The following ADGRB3 variants were observed in gnomAD, a reference collection of about 807,000 sequenced individuals.
ADGRB3 encodes the protein adhesion G protein-coupled receptor B3.
A neutral mutation model predicts 193.4 loss-of-function variants in ADGRB3; 37 were observed. The observed-to-expected ratio is 0.19, with a 90% CI of 0.15 to 0.25. The LOEUF (loss-of-function observed/expected upper bound fraction) is 0.25, where lower values mean the gene tolerates loss of function less well. Ranked by LOEUF, ADGRB3 falls within the 10% of genes least tolerant of loss-of-function variation. The pLI, the probability that ADGRB3 is intolerant of heterozygous loss-of-function variation, is 1.00. For synonymous variants in ADGRB3, 690 were observed against 644.2 expected, an observed-to-expected ratio of 1.07 and a Z score of -1.08; for missense variants, 1,637 against 1,852.9, an observed-to-expected ratio of 0.88 and a Z score of 2.14.
At chr6:69,311,566 C>T (rs1768195128) in intron 20 of ADGRB3, among the ~76,000 whole-genome samples, 1 of 151,682 alleles carries the variant, frequency 6.6e-6, no homozygotes, top group African/African-American at 2.4e-5. Context: ...CCTAGGACAT[C>T]TTTAACTTTT....
chr6:69,172,874 A>G (rs1775319807), intron 17 of ADGRB3, among the ~76,000 whole-genome samples: 1 of 152,040 alleles, frequency 6.6e-6, no homozygotes, highest in Non-Finnish European at 1.5e-5. Flanking sequence ...GAGAGCAGAC[A>G]GAACAAAATG....
chr6:69,048,632 T>A (rs1312493429), intron 14 of ADGRB3, among the ~76,000 whole-genome samples: 4 of 152,192 alleles, frequency 2.6e-5, no homozygotes. Context: ...TGTGGACTAA[T>A]ATTTTACCTT....
intron 20 of ADGRB3, among the ~76,000 whole-genome samples, chr6:69,318,401 G>A (rs2127304423): frequency 6.6e-6 from 1 of 151,348 alleles, no homozygotes; most frequent in South Asian, 2.1e-4. Context: ...TTTTGATGTT[G>A]AGTCACCCTG....
rs1768931369 is a variant in ADGRB3, at chr6:69,339,561, A to G, written c.3459+57A>G. On this transcript the variant is annotated intron_variant, in intron 26 of 31. Transcript: ENST00000370598. ...ATGGTTGGAATGGTATTTCCTTGCT[A>G]AAAAGAATGATCTTTTAATATCTTG... The G allele has an allele frequency of 1.7e-5, 26 of 1,528,732 alleles. 1 individual carries two copies. In the South Asian group the frequency reaches 3.1e-4, roughly 18 times the overall value. 94.7% of individuals were successfully genotyped at this position (1,528,732 alleles called of 1,614,324 possible).
At position 68,635,715 on chromosome 6, in the gene ADGRB3, C is replaced by A. The variant is rs1322315825; in HGVS notation, c.-473C>A. The A allele has an allele frequency of 6.6e-6, 1 of 152,304 alleles. No homozygotes were observed. The highest frequency in any genetic ancestry group is 1.5e-5 in the Non-Finnish European group (1 of 68,186). The allele number at this position is 152,304 out of a possible 1,614,324, so 9.4% of individuals were successfully genotyped here. A position where few individuals can be genotyped will look rare whatever the true frequency, so the allele number is the denominator to read the frequency against. ...GGGGGGCTTCTCCCTCCCTTTAGCC[C>A]CCCTCGGTTTGGAGGTTGGATTCAG... On this transcript the variant is annotated 5_prime_UTR_variant, in exon 1 of 32. Transcript: ENST00000370598.
chr6:68,930,603 C>T lies in ADGRB3; in HGVS notation c.802C>T (p.Arg268Ter). 1.2e-6 allele frequency: 2 copies of T among 1,612,700 alleles called. No individual in the cohort carries two copies. The highest frequency in any genetic ancestry group is 1.7e-6 in the Non-Finnish European group (2 of 1,179,304). The change falls in exon 4 of 32, where the codon CGA (arginine) becomes TGA (stop). Residue 268 changes from arginine (R) to a stop codon, truncating the protein, a stop_gained. Transcript: ENST00000370598. LOFTEE classifies it high-confidence loss of function. ...GDHTIKSQRP[R>*]SVHEKRVPQE... ...TCATACAATTAAAAGTCAGCGACCT[C>T]GATCTGTTCATGAAAAAAGGGTCCC...
At chr6:69,131,916 G>A (rs970270189) in intron 17 of ADGRB3, among the ~76,000 whole-genome samples, 1 of 151,962 alleles carries the variant, frequency 6.6e-6, no homozygotes, top group African/African-American at 2.4e-5. Flanking sequence ...TGAGAATGAT[G>A]GTTTACAGTT....
At chr6:69,202,351 CCTGA>C (rs1474316626) in intron 17 of ADGRB3, among the ~76,000 whole-genome samples, 1 of 152,064 alleles carries the variant, frequency 6.6e-6, no homozygotes, top group African/African-American at 2.4e-5. Flanking sequence ...TGAAGTGGAT[CCTGA>C]CTGTCTTTCC....
intron 17 of ADGRB3, among the ~76,000 whole-genome samples, chr6:69,179,059 TC>T (rs1775509671): frequency 6.6e-6 from 1 of 152,232 alleles, no homozygotes; most frequent in African/African-American, 2.4e-5. Flanking sequence ...GTTTTCTTTT[TC>T]TCTGTCTCTC....
Position 68,915,002 on chromosome 6 carries a change from A to G in ADGRB3, c.758-15557A>G, listed in dbSNP as rs61711758. 1.6e-3 allele frequency among the ~76,000 whole-genome samples: 248 copies of G among 152,356 alleles called. 3 individuals are homozygous for G. The highest frequency in any genetic ancestry group is 5.7e-3 in the African/African-American group (239 of 41,596). ...ATATTTGCCTGATTCTCTGTTAATC[A>G]TATTTGAGCCTTGCTACCATAATTA... On this transcript the variant is annotated intron_variant, in intron 3 of 31. Coordinates refer to ENST00000370598, the MANE Select transcript of ADGRB3 (RefSeq NM_001704.3).
At chr6:68,690,637 A>G (rs1765056752) in intron 3 of ADGRB3, among the ~76,000 whole-genome samples, 1 of 152,074 alleles carries the variant, frequency 6.6e-6, no homozygotes, top group South Asian at 2.1e-4. Context: ...GGTTTAATTC[A>G]CTTTACTAGT....
intron 13 of ADGRB3, among the ~76,000 whole-genome samples, chr6:69,043,310 AAGAAAGAAAGAAAGAAAGAAAGAG>A (rs1771135415): frequency 1.3e-5 from 2 of 150,516 alleles, no homozygotes; most frequent in African/African-American, 4.9e-5. Flanking sequence ...GAAAGAAAGA[AAGAAAGAAAGAAAGAAAGAAAGAG>A]AAAGAAAAGA....
chr6:68,999,505 C>A (rs1476965947), intron 11 of ADGRB3, among the ~76,000 whole-genome samples: 1 of 152,162 alleles, frequency 6.6e-6, no homozygotes, highest in Non-Finnish European at 1.5e-5. Context: ...ACCTCGTGAT[C>A]TGCCCGCCTC....
intron 20 of ADGRB3, among the ~76,000 whole-genome samples, chr6:69,265,308 T>C (rs1767016873): frequency 6.6e-6 from 1 of 151,862 alleles, no homozygotes; most frequent in Non-Finnish European, 1.5e-5. Flanking sequence ...ACAGGGATGA[T>C]TTGACTCAGA....
At chr6:69,122,592 ATC>A (rs896997465) in intron 17 of ADGRB3, among the ~76,000 whole-genome samples, 2 of 150,672 alleles carry the variant, frequency 1.3e-5, no homozygotes, top group Admixed American at 1.3e-4. Flanking sequence ...TAGGGATGGG[ATC>A]TCTGAGTTTT....
chr6:69,257,709 A>T (rs1766813131), intron 20 of ADGRB3, among the ~76,000 whole-genome samples: 1 of 152,232 alleles, frequency 6.6e-6, no homozygotes, highest in Non-Finnish European at 1.5e-5. Context: ...TTCAAGATTT[A>T]GTTGACTGGT....
chr6:68,672,458 A>T (rs918265320), intron 3 of ADGRB3, among the ~76,000 whole-genome samples: 1 of 151,796 alleles, frequency 6.6e-6, no homozygotes, highest in Non-Finnish European at 1.5e-5. Flanking sequence ...TTTATATGTT[A>T]TGTTTCCACT....
At chr6:68,644,161 A>AG (rs1270582324) in intron 3 of ADGRB3, among the ~76,000 whole-genome samples, 1 of 152,066 alleles carries the variant, frequency 6.6e-6, no homozygotes, top group Non-Finnish European at 1.5e-5. Flanking sequence ...GTAAAAAAAA[A>AG]CAGAAGTACA....
intron 3 of ADGRB3, among the ~76,000 whole-genome samples, chr6:68,856,447 G>A (rs1764988529): frequency 6.6e-6 from 1 of 152,200 alleles, no homozygotes; most frequent in Non-Finnish European, 1.5e-5. Context: ...TCCAGGTTGA[G>A]GTGGTCTCAG....
Sources: allele counts gnomAD v4.1 joint callset (sites outside exome capture counted in the v4.1 genomes callset), GRCh38; gene constraint gnomAD v4.1.1; transcripts MANE v1.5; gene names NCBI Gene and HGNC (gene_info 2026-07-23, HGNC 2026-07-21).